The following PDE4D variants were observed in gnomAD, a reference collection of about 807,000 sequenced individuals.
PDE4D encodes 3',5'-cyclic-AMP phosphodiesterase 4D.
PDE4D carries 24 observed loss-of-function variants against 87.4 expected under a neutral mutation model. That is an observed-to-expected ratio of 0.27 (90% CI 0.20 to 0.39). PDE4D has a LOEUF of 0.39. Ranked by LOEUF, PDE4D falls within the 10% of genes least tolerant of loss-of-function variation. The pLI is 1.00. For missense variants in PDE4D, 714 were observed against 1,041.0 expected, an observed-to-expected ratio of 0.69 and a Z score of 4.32; for synonymous variants, 384 against 383.2, an observed-to-expected ratio of 1.00 and a Z score of -0.02.
At chr5:59,006,915 G>A (rs1473905040) in intron 6 of PDE4D, among the ~76,000 whole-genome samples, 2 of 152,172 alleles carry the variant, frequency 1.3e-5, no homozygotes, top group Non-Finnish European at 2.9e-5. Flanking sequence ...AGGTCAAGTT[G>A]TCTTGCTCAA....
intron 1 of PDE4D, among the ~76,000 whole-genome samples, chr5:59,574,691 G>T (rs1248246216): frequency 6.6e-6 from 1 of 152,018 alleles, no homozygotes; most frequent in Non-Finnish European, 1.5e-5. Context: ...TCAACCTCCA[G>T]ATTTTCATAC....
chr5:59,503,514 G>T lies in PDE4D; in HGVS notation c.456-287546C>A, dbSNP rs570456127. 2.6e-5 allele frequency among the ~76,000 whole-genome samples: 4 copies of T among 152,276 alleles called. No homozygotes were observed. In the South Asian group the frequency reaches 8.3e-4, roughly 32 times the overall value. ...ACGATATCTAGTCTATAGGTATTATGATCCACAGCTGTCTATAAATGACAA... is the reference window on the plus strand; with the variant it reads ...ACGATATCTAGTCTATAGGTATTATTATCCACAGCTGTCTATAAATGACAA... On this transcript the variant is annotated intron_variant, in intron 1 of 14. Coordinates refer to ENST00000340635, the MANE Select transcript of PDE4D (RefSeq NM_001104631.2).
chr5:60,502,060 G>T (rs1016838280), intron 1 of PDE4D, among the ~76,000 whole-genome samples: 1 of 151,792 alleles, frequency 6.6e-6, no homozygotes, highest in Admixed American at 6.6e-5. Flanking sequence ...TGGTGTTTTA[G>T]ACATGAAGTC....
intron 1 of PDE4D, among the ~76,000 whole-genome samples, chr5:60,484,384 T>C (rs950014687): frequency 1.3e-5 from 2 of 152,176 alleles, no homozygotes; most frequent in African/African-American, 4.8e-5. Flanking sequence ...ACATTCATCC[T>C]GTTTGAGGGA....
chr5:60,001,551 A>G (rs1307617193), intron 2 of PDE4D, among the ~76,000 whole-genome samples: 1 of 152,132 alleles, frequency 6.6e-6, no homozygotes, highest in Non-Finnish European at 1.5e-5. Context: ...AAATACATAT[A>G]TAAGTATACA....
At chr5:59,295,697 C>T (rs1768927769) in intron 1 of PDE4D, among the ~76,000 whole-genome samples, 1 of 152,048 alleles carries the variant, frequency 6.6e-6, no homozygotes, top group African/African-American at 2.4e-5. Context: ...GAGTAAGCAA[C>T]CGTCATGTGA....
At chr5:60,010,197 C>G (rs11950782) in intron 2 of PDE4D, among the ~76,000 whole-genome samples, 1 of 152,040 alleles carries the variant, frequency 6.6e-6, no homozygotes, top group Non-Finnish European at 1.5e-5. Flanking sequence ...TACGTATTTC[C>G]TCAAAGCCAC....
At chr5:59,574,811 C>T (rs891323086) in intron 1 of PDE4D, among the ~76,000 whole-genome samples, 5 of 152,094 alleles carry the variant, frequency 3.3e-5, no homozygotes, top group African/African-American at 1.2e-4. Context: ...ACACTGAGAA[C>T]TATGGCTTTT....
chr5:60,189,317 T>A (rs1346621653), intron 1 of PDE4D, among the ~76,000 whole-genome samples: 1 of 152,252 alleles, frequency 6.6e-6, no homozygotes, highest in African/African-American at 2.4e-5. Context: ...GTTTCTATCC[T>A]AGAGATTAAA....
Position 59,384,741 on chromosome 5 carries a change from A to G in PDE4D, c.456-168773T>C, listed in dbSNP as rs143561931. On this transcript the variant is annotated intron_variant, in intron 1 of 14. Transcript: ENST00000340635. ...TTTGTTTCTGCTGGTAATTAACTCT[A>G]TAATTCTAAGTAATATGCTTATACT... is the stretch of plus-strand genomic sequence containing the variant. Among the ~76,000 whole-genome samples the G allele has an allele frequency of 5.9e-3, 904 of 152,050 alleles. 2 individuals carry two copies. Among genetic ancestry groups the G allele is most frequent in the Non-Finnish European group, 9.2e-3 (625 of 67,996 alleles).
chr5:59,844,339 T>G (rs1743505485), intron 1 of PDE4D, among the ~76,000 whole-genome samples: 1 of 152,124 alleles, frequency 6.6e-6, no homozygotes, highest in Non-Finnish European at 1.5e-5. Flanking sequence ...TTACTTCTAG[T>G]CTTTTAAGAT....
At chr5:60,061,862 T>C (rs1771446753) in intron 2 of PDE4D, among the ~76,000 whole-genome samples, 1 of 152,168 alleles carries the variant, frequency 6.6e-6, no homozygotes, top group Admixed American at 6.5e-5. Context: ...TGGCTAGCTA[T>C]ATGCAGAAGA....
intron 1 of PDE4D, among the ~76,000 whole-genome samples, chr5:59,229,110 C>A (rs1422150594): frequency 6.6e-6 from 1 of 151,970 alleles, no homozygotes; most frequent in Non-Finnish European, 1.5e-5. Context: ...ATCTTACTCA[C>A]CCCATTAGAA....
At chr5:59,795,103 A>AT (rs1382584264) in intron 1 of PDE4D, among the ~76,000 whole-genome samples, 1 of 152,148 alleles carries the variant, frequency 6.6e-6, no homozygotes, top group Non-Finnish European at 1.5e-5. Context: ...TTGGCCATGT[A>AT]TTTTCTCAAG....
At chr5:59,771,508 A>AAGAAAGAAAGAAAG (rs1462075090) in intron 1 of PDE4D, among the ~76,000 whole-genome samples, 1 of 138,724 alleles carries the variant, frequency 7.2e-6, no homozygotes, top group African/African-American at 2.9e-5. Context: ...AGAAGAAAGA[A>AAGAAAGAAAGAAAG]AGAAAGAAAG....
intron 1 of PDE4D, among the ~76,000 whole-genome samples, chr5:59,584,054 G>C (rs924295693): frequency 2.6e-5 from 4 of 152,186 alleles, no homozygotes; most frequent in South Asian, 2.1e-4. Context: ...ATGAGGATAG[G>C]GGGAGTCTTT....
chr5:60,470,669 T>G (rs1747748954), intron 1 of PDE4D, among the ~76,000 whole-genome samples: 1 of 152,162 alleles, frequency 6.6e-6, no homozygotes, highest in South Asian at 2.1e-4. Flanking sequence ...AGAATTACGC[T>G]ATATCAACTC....
At chr5:60,057,717 T>C (rs576542591) in intron 2 of PDE4D, among the ~76,000 whole-genome samples, 2 of 152,176 alleles carry the variant, frequency 1.3e-5, no homozygotes, top group Admixed American at 1.3e-4. Context: ...ACTGGATTCC[T>C]ATCTGTAACA....
intron 1 of PDE4D, among the ~76,000 whole-genome samples, chr5:60,435,766 G>A (rs1744710998): frequency 6.6e-6 from 1 of 152,016 alleles, no homozygotes; most frequent in East Asian, 1.9e-4. Context: ...AGAAATTAAA[G>A]TCCAATATTT....
Sources: gnomAD v4.1 joint callset for allele counts (sites outside exome capture counted in the v4.1 genomes callset) on GRCh38, gnomAD v4.1.1 for gene constraint, MANE v1.5 for transcripts, NCBI Gene and HGNC (gene_info 2026-07-23, HGNC 2026-07-21) for gene names.